Variants in C1GALT1 observed in about 807,000 individuals in gnomAD.
C1GALT1 encodes the protein core 1 synthase, glycoprotein-N-acetylgalactosamine 3-beta-galactosyltransferase 1.
In C1GALT1, 11 loss-of-function variants were observed where a neutral mutation model predicts 31.0. That is an observed-to-expected ratio of 0.36 (90% CI 0.22 to 0.59). The LOEUF is 0.59. C1GALT1 is among the 20% of genes least tolerant of loss of function. The pLI, the probability that C1GALT1 is intolerant of heterozygous loss-of-function variation, is 0.79. For missense variants in C1GALT1, 424 were observed against 425.2 expected, an observed-to-expected ratio of 1.00 and a Z score of 0.03; for synonymous variants, 175 against 143.6, an observed-to-expected ratio of 1.22 and a Z score of -1.56.
Position 7,215,890 on chromosome 7 carries a change from C to T in C1GALT1, c.-17-18413C>T, listed in dbSNP as rs79710805. Among the ~76,000 whole-genome samples the T allele has an allele frequency of 3.9e-3, 601 of 152,176 alleles. 13 individuals carry two copies. In the East Asian group the frequency reaches 0.076, roughly 19 times the overall value. On this transcript the variant is annotated intron_variant, in intron 1 of 3. Coordinates refer to ENST00000436587, the MANE Select transcript of C1GALT1 (RefSeq NM_020156.5). ...GGGTCATTAGAAAATCAGTCTAAGT[C>T]TCCTTTTACTTGCCTAAGGTCCTGC...
intron 1 of C1GALT1, 108 bp from the exon 2 acceptor site, chr7:7,234,195 A>G (rs963544253): frequency 2.5e-5 from 19 of 766,602 alleles, no homozygotes; most frequent in Non-Finnish European, 3.6e-5. Context: ...ATAGCTAAAT[A>G]CTGTTAGAAA....
At chr7:7,192,531 C>G (rs1351543992) in intron 1 of C1GALT1, among the ~76,000 whole-genome samples, 2 of 151,844 alleles carry the variant, frequency 1.3e-5, no homozygotes, top group Non-Finnish European at 2.9e-5. Flanking sequence ...TTATACATAC[C>G]ACATTTTCTT....
intron 1 of C1GALT1, among the ~76,000 whole-genome samples, chr7:7,203,292 G>C (rs1781598083): frequency 6.6e-6 from 1 of 152,042 alleles, no homozygotes; most frequent in African/African-American, 2.4e-5. Context: ...AGATCTTAGA[G>C]GAAAAGCTTT....
chr7:7,238,162 T>G lies in C1GALT1; in HGVS notation c.221-93T>G. ...ACTAATAGAGGGATAAATAGGGACT[T>G]TGAAATTAGGACAGTGCTTTCTTCA... On this transcript the variant is annotated intron_variant, in intron 2 of 3. Coordinates refer to ENST00000436587, the MANE Select transcript of C1GALT1 (RefSeq NM_020156.5). The surrounding 1 kb of genome is among the most constrained non-coding windows in gnomAD (Gnocchi z 5.2). 8.0e-7 allele frequency: 1 copy of G among 1,248,046 alleles called. No individual in the cohort carries two copies. Among genetic ancestry groups the G allele is most frequent in the Non-Finnish European group, 1.1e-6 (1 of 913,188 alleles). 77.3% of individuals were successfully genotyped at this position (1,248,046 alleles called of 1,614,324 possible).
chr7:7,194,266 A>G (rs112902951), intron 1 of C1GALT1, among the ~76,000 whole-genome samples: 5,025 of 152,214 alleles, frequency 0.033, 187 homozygotes, highest in African/African-American at 0.092. Flanking sequence ...CTCAGGGGAA[A>G]TGCTTTCAAC....
At chr7:7,162,285 T>A (rs1780342230) in intron 2 of C1GALT1, among the ~76,000 whole-genome samples, 1 of 103,576 alleles carries the variant, frequency 9.7e-6, no homozygotes, top group African/African-American at 3.9e-5. Flanking sequence ...CCCACAACAG[T>A]CCCCAGAGTG....
chr7:7,190,366 GCT>G (rs1781014400), intron 1 of C1GALT1, among the ~76,000 whole-genome samples: 2 of 152,086 alleles, frequency 1.3e-5, no homozygotes, highest in South Asian at 4.1e-4. Context: ...CTTATCTGAA[GCT>G]CTGAGTTGCA....
At chr7:7,183,570 AG>A in intron 1 of C1GALT1, 1 of 985,188 alleles carries the variant, frequency 1.0e-6, no homozygotes, top group Non-Finnish European at 1.2e-6. Flanking sequence ...GGTGTTGACA[AG>A]TTGTCCATTT....
At chr7:7,232,405 C>G (rs1161460928) in intron 1 of C1GALT1, among the ~76,000 whole-genome samples, 1 of 151,676 alleles carries the variant, frequency 6.6e-6, no homozygotes, top group Admixed American at 6.6e-5. Flanking sequence ...TCCCAGACCT[C>G]TACTTTCACT....
intron 1 of C1GALT1, among the ~76,000 whole-genome samples, chr7:7,230,148 G>A (rs1320659642): frequency 6.6e-6 from 1 of 152,100 alleles, no homozygotes; most frequent in African/African-American, 2.4e-5. Flanking sequence ...TGTTGTCATG[G>A]CATGTCAATT....
chr7:7,241,361 C>G (rs1783621201), intron 3 of C1GALT1, among the ~76,000 whole-genome samples: 2 of 151,940 alleles, frequency 1.3e-5, no homozygotes, highest in African/African-American at 4.8e-5. Flanking sequence ...GATTTCATTT[C>G]TATGCCATTG....
intron 1 of C1GALT1, among the ~76,000 whole-genome samples, chr7:7,186,627 G>T (rs75876366): frequency 0.032 from 4,878 of 152,292 alleles, 174 homozygotes; most frequent in African/African-American, 0.088. Context: ...TAGGTGCTGT[G>T]GGTAAGCATA....
chr7:7,219,087 C>T (rs981777010), intron 1 of C1GALT1, among the ~76,000 whole-genome samples: 1 of 152,168 alleles, frequency 6.6e-6, no homozygotes, highest in South Asian at 2.1e-4. Flanking sequence ...ATCCGCCCGC[C>T]TCGGCCTCCC....
At position 7,246,798 on chromosome 7, in the gene C1GALT1, C is replaced by T. The variant is rs1783865337; in HGVS notation, c.*3071C>T. 6.6e-6 allele frequency: 1 copy of T among 152,136 alleles called. No homozygotes were observed. The highest frequency in any genetic ancestry group is 2.4e-5 in the African/African-American group (1 of 41,410). The allele number at this position is 152,136 out of a possible 1,614,324, so 9.4% of individuals were successfully genotyped here. A position where few individuals can be genotyped will look rare whatever the true frequency, so the allele number is the denominator to read the frequency against. ...TGGTGCAAGTAGTGTTTGAAACACA[C>T]TGAAGATTACTGCCCAATTACTAAG... On this transcript the variant is annotated 3_prime_UTR_variant, in exon 4 of 4. Coordinates refer to ENST00000436587, the MANE Select transcript of C1GALT1 (RefSeq NM_020156.5).
intron 2 of C1GALT1, among the ~76,000 whole-genome samples, chr7:7,162,117 A>G (rs1430473886): frequency 9.3e-6 from 1 of 107,010 alleles, no homozygotes; most frequent in South Asian, 2.9e-4. Context: ...TTTAAATTTT[A>G]TTTTATTATT....
At chr7:7,178,281 C>A, upstream of C1GALT1, 2 of 231,556 alleles carry the variant, frequency 8.6e-6, no homozygotes, top group South Asian at 1.6e-4. Flanking sequence ...CAGAGAGAGT[C>A]ATCAGAGGCA....
chr7:7,218,080 T>C (rs918897424), intron 1 of C1GALT1, among the ~76,000 whole-genome samples: 4 of 152,172 alleles, frequency 2.6e-5, no homozygotes, highest in African/African-American at 9.7e-5. Context: ...GATAGTATTA[T>C]AGTTTGGCCG....
At chr7:7,225,988 A>G (rs1178110343) in intron 1 of C1GALT1, among the ~76,000 whole-genome samples, 1 of 152,200 alleles carries the variant, frequency 6.6e-6, no homozygotes, top group Non-Finnish European at 1.5e-5. Context: ...ATTCCAATTT[A>G]CCATGTTGGC....
At chr7:7,220,160 T>G (rs1332186982) in intron 1 of C1GALT1, among the ~76,000 whole-genome samples, 2 of 152,184 alleles carry the variant, frequency 1.3e-5, no homozygotes, top group African/African-American at 4.8e-5. Context: ...TTTTTTGTAG[T>G]AGCAGGCCAT....
Sources: allele counts gnomAD v4.1 joint callset (sites outside exome capture counted in the v4.1 genomes callset), GRCh38; gene constraint gnomAD v4.1.1; non-coding constraint Gnocchi (gnomAD v3.1); transcripts MANE v1.5; gene names NCBI Gene and HGNC (gene_info 2026-07-23, HGNC 2026-07-21).